TENM1: variants seen among roughly 807,000 people sequenced by gnomAD.
The protein encoded by TENM1 is teneurin transmembrane protein 1, also known as teneurin-1.
TENM1 carries 35 observed loss-of-function variants against 174.8 expected under a neutral mutation model. The observed-to-expected ratio is 0.20, with a 90% confidence interval of 0.15 to 0.27. The LOEUF (loss-of-function observed/expected upper bound fraction) is 0.27, where lower values mean the gene tolerates loss of function less well. Among genes scored for constraint, TENM1 ranks in the 10% least tolerant of loss-of-function variants. The probability of loss-of-function intolerance (pLI) is 1.00; values close to 1 mark genes in which losing one functional copy is unlikely to be tolerated. For synonymous variants in TENM1, 781 were observed against 798.7 expected (o/e 0.98, Z 0.37); for missense variants, 1,633 against 2,130.1 (o/e 0.77, Z 4.59).
At chrX:124,832,667 C>A in intron 3 of TENM1, among the ~76,000 whole-genome samples, 1 of 112,138 alleles carries the variant, frequency 8.9e-6, no homozygotes, top group Admixed American at 9.4e-5. Flanking sequence ...CTCTACCTCC[C>A]GGGCTCAAGC....
At chrX:124,601,706 A>AT (rs1421336644) in intron 11 of TENM1, among the ~76,000 whole-genome samples, 3 of 110,024 alleles carry the variant, frequency 2.7e-5, no homozygotes, top group Non-Finnish European at 5.7e-5. Flanking sequence ...AAACCGTATG[A>AT]TTTTTTTCCA....
chrX:124,652,062 A>G, exon 8 of TENM1: 1 of 1,211,644 alleles, frequency 8.3e-7, no homozygotes, highest in Non-Finnish European at 1.1e-6. Flanking sequence ...GCTGTGTATC[A>G]TCAGAGCCCT....
chrX:125,176,636 G>A, the TENM1 span, among the ~76,000 whole-genome samples: 1 of 110,824 alleles, frequency 9.0e-6, no homozygotes, highest in Non-Finnish European at 1.9e-5. Flanking sequence ...CCACTCCCAT[G>A]GTATTCTTTA....
chrX:124,469,422 A>G (rs754752202), intron 22 of TENM1, among the ~76,000 whole-genome samples: 1 of 111,583 alleles, frequency 9.0e-6, no homozygotes, highest in Admixed American at 9.6e-5. Flanking sequence ...TACAGATGAC[A>G]AAACAGTGGC....
chrX:124,731,784 G>C (rs1178424417), intron 4 of TENM1, among the ~76,000 whole-genome samples: 2 of 111,916 alleles, frequency 1.8e-5, no homozygotes, highest in Admixed American at 1.9e-4. Flanking sequence ...AGATCGGTAA[G>C]AATGTAAGCA....
chrX:124,557,517 T>C (rs1462459482), intron 14 of TENM1, among the ~76,000 whole-genome samples: 4 of 110,982 alleles, frequency 3.6e-5, no homozygotes, highest in Non-Finnish European at 7.6e-5. Flanking sequence ...AGTTGAAGTG[T>C]TTTTATTTAT....
the TENM1 span, among the ~76,000 whole-genome samples, chrX:124,974,902 A>ATATATATATATATATATATATAT: frequency 2.3e-4 from 21 of 91,956 alleles, no homozygotes; most frequent in Non-Finnish European, 3.8e-4. Flanking sequence ...ATATATATAT[A>ATATATATATATATATATATATAT]AAATAATTTT....
chrX:124,788,160 A>G (rs1393838335), intron 3 of TENM1, among the ~76,000 whole-genome samples: 4 of 111,717 alleles, frequency 3.6e-5, no homozygotes. Flanking sequence ...GGGAATTATG[A>G]GAGCTATATG....
At chrX:125,149,543 GA>G in the TENM1 span, among the ~76,000 whole-genome samples, 1 of 111,826 alleles carries the variant, frequency 8.9e-6, no homozygotes, top group Non-Finnish European at 1.9e-5. Flanking sequence ...GGTAGTAAAT[GA>G]ATTAACTAAT....
At chrX:125,161,651 G>A in the TENM1 span, among the ~76,000 whole-genome samples, 1 of 112,063 alleles carries the variant, frequency 8.9e-6, no homozygotes, top group Non-Finnish European at 1.9e-5. Context: ...AATGGAGAGT[G>A]ACTGTTTAAT....
chrX:124,487,354 C>T, intron 20 of TENM1, 125 bp from the exon 24 acceptor site: 1 of 578,934 alleles, frequency 1.7e-6, no homozygotes, highest in Non-Finnish European at 2.7e-6. Flanking sequence ...TTTAGAGAGA[C>T]TCTATGGGGA....
At chrX:124,734,993 G>A (rs896882543) in intron 4 of TENM1, among the ~76,000 whole-genome samples, 1 of 111,847 alleles carries the variant, frequency 8.9e-6, no homozygotes. Flanking sequence ...AAAAATACTA[G>A]AAGACAGCCT....
At position 124,808,646 on chromosome X, in the gene TENM1, A is replaced by C. The variant is rs1424059404; in HGVS notation, c.536-71449T>G. Among the ~76,000 whole-genome samples the C allele has an allele frequency of 3.6e-5, 4 of 112,284 alleles. No homozygotes were observed. The Admixed American group carries it at 3.8e-4, about 11-fold the overall frequency. Reference sequence around the variant, plus strand: ...AAGTATCTCTTCTGACCTCAATGGTATAAAACTAGAAATGAATATCAGAAG... The same window carrying C: ...AAGTATCTCTTCTGACCTCAATGGTCTAAAACTAGAAATGAATATCAGAAG... On this transcript the variant is annotated intron_variant, in intron 3 of 31. Transcript: ENST00000422452.
chrX:124,749,998 T>A (rs770985868), intron 3 of TENM1, among the ~76,000 whole-genome samples: 10 of 112,100 alleles, frequency 8.9e-5, no homozygotes, highest in Non-Finnish European at 1.9e-4. Flanking sequence ...TTGTAATTAT[T>A]TCCAGTATGA....
In TENM1 at chrX:124,520,545, C is replaced by A. The variant is rs151041633; in HGVS notation, c.3273G>T (p.Gln1091His). The A allele has an allele frequency of 3.2e-5, 39 of 1,207,189 alleles. No individual in the cohort carries two copies. The Middle Eastern group carries it at 3.2e-3, about 99-fold the overall frequency. ...AAGCCTCTGCCAGGCCCCAAACCTT[C>A]TGTCCATAGATGTCGGTCTTGTTCC... The change falls in exon 18 of 32, where the codon CAG becomes CAT. Residue 1091 changes from glutamine to histidine, a missense_variant. Physicochemically the swap from Gln to His is conservative, Grantham distance 24. Around this residue, in one of 4 missense-constraint regions of TENM1, gnomAD observed 449 missense variants for 636.2 expected, o/e 0.71. Transcript: ENST00000422452.
intron 1 of TENM1, among the ~76,000 whole-genome samples, chrX:124,914,054 A>C (rs1263208577): frequency 1.8e-5 from 2 of 111,872 alleles, no homozygotes; most frequent in Non-Finnish European, 1.9e-5. Context: ...CACCATTCCT[A>C]GTAAGAGGTG....
intron 28 of TENM1, 95 bp downstream of exon 31, chrX:124,391,957 T>C (rs2060286417): frequency 1.4e-6 from 1 of 693,071 alleles, no homozygotes; most frequent in African/African-American, 2.2e-5. Context: ...CACAGACTTT[T>C]CTCCTGCAGG....
intron 23 of TENM1, among the ~76,000 whole-genome samples, chrX:124,450,860 T>G (rs887659721): frequency 1.8e-5 from 2 of 112,262 alleles, no homozygotes; most frequent in Non-Finnish European, 3.8e-5. Context: ...GGAAATTTGC[T>G]GGCATCTTTG....
intron 11 of TENM1, among the ~76,000 whole-genome samples, chrX:124,640,141 C>T (rs904301350): frequency 1.8e-5 from 2 of 110,181 alleles, no homozygotes; most frequent in African/African-American, 3.3e-5. Context: ...ATATCCTATA[C>T]CTAAGGATAT....
Sources: gnomAD v4.1 joint callset for allele counts (sites outside exome capture counted in the v4.1 genomes callset) on GRCh38, gnomAD v4.1.1 for gene constraint, gnomAD v4.1.1 regional missense constraint, MANE v1.5 for transcripts, NCBI Gene and HGNC (gene_info 2026-07-23, HGNC 2026-07-21) for gene names.